The following ATP5ME variants were observed in gnomAD, a reference collection of about 807,000 sequenced individuals.
The protein encoded by ATP5ME is ATP synthase membrane subunit e, also known as ATP synthase F(0) complex subunit e, mitochondrial.
ATP5ME carries 10 observed loss-of-function variants against 11.6 expected under a neutral mutation model. The observed-to-expected ratio is 0.86, with a 90% CI of 0.53 to 1.46. ATP5ME has a LOEUF of 1.46. Ranked by LOEUF, ATP5ME falls within the 40% of genes most tolerant of loss-of-function variation. The pLI is 0.00. For missense variants in ATP5ME, 115 were observed against 85.4 expected (o/e 1.35, Z -1.37); for synonymous variants, 45 against 33.5 (o/e 1.34, Z -1.19).
intron 2 of ATP5ME, chr4:673,605 C>A: frequency 1.1e-6 from 1 of 896,810 alleles, no homozygotes; most frequent in Non-Finnish European, 1.7e-6. Flanking sequence ...CCCACCCGCT[C>A]ACGCACTGGC....
At chr4:673,858 G>A (rs1200930800) in intron 2 of ATP5ME, 54 bp downstream of exon 2, 8 of 1,538,836 alleles carry the variant, frequency 5.2e-6, no homozygotes, top group Non-Finnish European at 7.0e-6. Flanking sequence ...TAGCACAGGA[G>A]CTCCACAGGA....
rs1738672425 is a variant in ATP5ME, at chr4:674,217, T to C, written c.31A>G (p.Ile11Val). Residue 11 changes from isoleucine (I) to valine (V), a missense_variant, in exon 1 of 4, where the codon ATC becomes GTC. Transcript: ENST00000304312. ...GGCTGCAAAGCCTGGATCACCTTGA[T>C]GAGCGGAGAGACCTGCACCGGTGGC... Reference protein sequence around the residue: MVPPVQVSPLIKLGRYSALFL... With the variant: MVPPVQVSPLVKLGRYSALFL... The C allele has an allele frequency of 1.2e-6, 2 of 1,611,626 alleles. No homozygotes were observed. Among genetic ancestry groups the C allele is most frequent in the African/African-American group, 1.3e-5 (1 of 74,848 alleles).
chr4:674,209 C>G lies in ATP5ME; in HGVS notation c.36+3G>C, dbSNP rs113772407. 1 of 1,611,500 alleles carries G rather than the reference C, an allele frequency of 6.2e-7. No individual in the cohort carries two copies. Among genetic ancestry groups the G allele is most frequent in the Non-Finnish European group, 8.5e-7 (1 of 1,179,226 alleles). On this transcript the variant is annotated splice_donor_region_variant and intron_variant, in intron 1 of 3. Transcript: ENST00000304312. ...TGGGCGGCGGCTGCAAAGCCTGGATCACCTTGATGAGCGGAGAGACCTGCA... is the reference window on the plus strand; with the variant it reads ...TGGGCGGCGGCTGCAAAGCCTGGATGACCTTGATGAGCGGAGAGACCTGCA...
chr4:672,556 C>CGGTA, intron 3 of ATP5ME, 37 bp from the exon 4 acceptor site: 4 of 1,611,874 alleles, frequency 2.5e-6, no homozygotes, highest in Non-Finnish European at 3.4e-6. Flanking sequence ...CACATGTTAC[C>CGGTA]ACTCAGGCAA....
At chr4:673,990 C>T in intron 1 of ATP5ME, 24 bp from the exon 2 acceptor site, 2 of 1,537,968 alleles carry the variant, frequency 1.3e-6, no homozygotes, top group Non-Finnish European at 8.7e-7. Context: ...TGGTCAGAGG[C>T]GGCGCGAAAC....
At chr4:674,113 G>T in intron 1 of ATP5ME, 99 bp downstream of exon 1, 1 of 1,472,480 alleles carries the variant, frequency 6.8e-7, no homozygotes. Context: ...GAGGATCATG[G>T]GGGCGGGGGC....
chr4:672,702 C>T (rs1738581633), intron 3 of ATP5ME, among the ~76,000 whole-genome samples, 183 bp from the exon 4 acceptor site: 2 of 151,968 alleles, frequency 1.3e-5, no homozygotes, highest in South Asian at 4.1e-4. Flanking sequence ...AGCGATTCTC[C>T]CACCTCAGCC....
Position 673,405 on chromosome 4 carries a change from T to G in ATP5ME, c.92-4A>C. 6.2e-7 allele frequency: 1 copy of G among 1,614,074 alleles called. No homozygotes were observed. The highest frequency in any genetic ancestry group is 8.5e-7 in the Non-Finnish European group (1 of 1,179,976). ...TCTGCCCGAGGTTTTAGGTAATCTG[T>G]TTGGCGGAATGCAGGAGAATAAAAT... On this transcript the variant is annotated splice_region_variant and splice_polypyrimidine_tract_variant and intron_variant, in intron 2 of 3. Transcript: ENST00000304312.
rs866875390 is a variant in ATP5ME at position 673,820 on chromosome 4, C to A, written c.91+92G>T. 4 of 1,482,396 alleles carry A rather than the reference C, an allele frequency of 2.7e-6. No individual in the cohort carries two copies. The African/African-American group carries it at 4.2e-5, about 15-fold the overall frequency. 91.8% of individuals were successfully genotyped at this position (1,482,396 alleles called of 1,614,324 possible). On this transcript the variant is annotated intron_variant, in intron 2 of 3. Transcript: ENST00000304312. ...CCTGCAGCCTCGCATGCGTCCCAAG[C>A]CCCCTTCCAGAGCTGGAGTTCTCCA...
chr4:673,750 T>A (rs1738641563), intron 2 of ATP5ME, 162 bp downstream of exon 2: 1 of 1,096,906 alleles, frequency 9.1e-7, no homozygotes, highest in African/African-American at 1.6e-5. Context: ...GAGCTTTGGG[T>A]GAGCTGATTC....
intron 3 of ATP5ME, 31 bp downstream of exon 3, chr4:673,272 G>A (rs761788482): frequency 3.7e-6 from 6 of 1,613,970 alleles, no homozygotes; most frequent in African/African-American, 2.7e-5. Context: ...ACCTGGGAGG[G>A]ACAATCTATA....
intron 3 of ATP5ME, 46 bp downstream of exon 3, chr4:673,257 C>T (rs1560147979): frequency 1.2e-6 from 2 of 1,613,812 alleles, no homozygotes; most frequent in Non-Finnish European, 1.7e-6. Flanking sequence ...CTTATCCCTG[C>T]ACAAACCTGG....
chr4:673,420 G>A lies in ATP5ME; in HGVS notation c.92-19C>T, dbSNP rs2109303572. On this transcript the variant is annotated intron_variant, in intron 2 of 3. Coordinates refer to ENST00000304312, the MANE Select transcript of ATP5ME (RefSeq NM_007100.4). ...AGGTAATCTGTTTGGCGGAATGCAG[G>A]AGAATAAAATTCACTGGAAATGCTG... 1.2e-6 allele frequency: 2 copies of A among 1,613,986 alleles called. No homozygotes were observed. The highest frequency in any genetic ancestry group is 1.7e-6 in the Non-Finnish European group (2 of 1,179,982).
intron 3 of ATP5ME, 85 bp downstream of exon 3, chr4:673,218 G>T: frequency 1.2e-6 from 2 of 1,601,148 alleles, no homozygotes. Context: ...CATCTACTTA[G>T]CTCTGCTTAA....
chr4:673,550 C>A (rs1036084908), intron 2 of ATP5ME, 149 bp from the exon 3 acceptor site: 3 of 1,402,548 alleles, frequency 2.1e-6, no homozygotes, highest in Non-Finnish European at 2.9e-6. Flanking sequence ...AACGCCTGAC[C>A]TTCACCCTGA....
At chr4:672,628 G>T in intron 3 of ATP5ME, 109 bp from the exon 4 acceptor site, 1 of 1,258,412 alleles carries the variant, frequency 7.9e-7, no homozygotes, top group Non-Finnish European at 1.1e-6. Flanking sequence ...TTTTGAGACG[G>T]AGTCTCGCTC....
intron 1 of ATP5ME, 87 bp downstream of exon 1, chr4:674,125 G>T: frequency 6.8e-7 from 1 of 1,476,948 alleles, no homozygotes; most frequent in Non-Finnish European, 9.1e-7. Context: ...GGCGGGGGCC[G>T]GGGGTCGCAG....
At position 673,961 on chromosome 4, in the gene ATP5ME, G is replaced by C. The variant is rs1232536753; in HGVS notation, c.42C>G (p.Gly14=). 1 of 1,545,100 alleles carries C rather than the reference G, an allele frequency of 6.5e-7. No individual in the cohort carries two copies. Among genetic ancestry groups the C allele is most frequent in the Non-Finnish European group, 8.7e-7 (1 of 1,146,786 alleles). The change falls in exon 2 of 4, where the codon GGC becomes GGG. Residue 14 remains glycine, a synonymous_variant. Transcript: ENST00000304312. Reference sequence around the variant, plus strand: ...CACCGAGGAACAGGGCGGAGTAGCGGCCGAGCTGCGAAAGAGGTTGGTCAG... The same window carrying C: ...CACCGAGGAACAGGGCGGAGTAGCGCCCGAGCTGCGAAAGAGGTTGGTCAG... The part of the protein sequence containing the change: ...PVQVSPLIKL[G]RYSALFLGVA...
At chr4:673,266 G>A in intron 3 of ATP5ME, 37 bp downstream of exon 3, 1 of 1,614,006 alleles carries the variant, frequency 6.2e-7, no homozygotes, top group Non-Finnish European at 8.5e-7. Context: ...GCACAAACCT[G>A]GGAGGGACAA....
Sources: gnomAD v4.1 joint callset for allele counts (sites outside exome capture counted in the v4.1 genomes callset) on GRCh38, gnomAD v4.1.1 for gene constraint, MANE v1.5 for transcripts, NCBI Gene and HGNC (gene_info 2026-07-23, HGNC 2026-07-21) for gene names.